Variants in ZNF197 observed in about 807,000 individuals in gnomAD.
ZNF197 encodes zinc finger protein 197.
In ZNF197, 14 loss-of-function variants were observed where a neutral mutation model predicts 27.4. That is an observed-to-expected ratio of 0.51 (90% confidence interval 0.34 to 0.80). The LOEUF is 0.80. Ranked by LOEUF, ZNF197 falls within the 30% of genes least tolerant of loss-of-function variation. The probability of loss-of-function intolerance (pLI) is 0.02; values close to 1 mark genes in which losing one functional copy is unlikely to be tolerated. For missense variants in ZNF197, 1,090 were observed against 1,222.6 expected (o/e 0.89, Z 1.62); for synonymous variants, 415 against 420.0 (o/e 0.99, Z 0.15).
Position 44,642,489 on chromosome 3 carries a change from TTATAAG to T in ZNF197, c.1361_1366del (p.Tyr454_Lys455del). Reference sequence around the variant, plus strand: ...AGAGGATCCACACTGGGGAGAAACCTTATAAGTGTAAGGAGTGTGGAAAGGGCTTCT... The same window carrying T: ...AGAGGATCCACACTGGGGAGAAACCTTGTAAGGAGTGTGGAAAGGGCTTCT... On this transcript the variant is annotated inframe_deletion, in exon 6 of 6. Coordinates refer to ENST00000344387, the MANE Select transcript of ZNF197 (RefSeq NM_006991.5). 6.2e-7 allele frequency: 1 copy of T among 1,613,980 alleles called. No homozygotes were observed. Among genetic ancestry groups the T allele is most frequent in the Non-Finnish European group, 8.5e-7 (1 of 1,179,954 alleles).
At chr3:44,630,897 A>G (rs1247586872) in intron 2 of ZNF197, 165 bp from the exon 3 acceptor site, 2 of 950,834 alleles carry the variant, frequency 2.1e-6, no homozygotes, top group Non-Finnish European at 3.3e-6. Context: ...GGGCAGCTCC[A>G]TTGTTCTCAA....
intron 5 of ZNF197, among the ~76,000 whole-genome samples, chr3:44,633,827 G>A (rs1199375598): frequency 6.6e-6 from 1 of 152,090 alleles, no homozygotes. Flanking sequence ...TTTGGAATTG[G>A]AGTCTTTTCT....
In ZNF197 at chr3:44,645,529, AC is replaced by A. The variant is rs1702907305; in HGVS notation, c.*1310del. On this transcript the variant is annotated 3_prime_UTR_variant, in exon 6 of 6. Coordinates refer to ENST00000344387, the MANE Select transcript of ZNF197 (RefSeq NM_006991.5). Reference sequence around the variant, plus strand: ...GCCATTAACAGTGATGCCAAGGAAAACAATTTATTTCCCAGCTTTTGAATTT... The same window carrying A: ...GCCATTAACAGTGATGCCAAGGAAAAAATTTATTTCCCAGCTTTTGAATTT... 3 of 985,430 alleles carry A rather than the reference AC, an allele frequency of 3.0e-6. No homozygotes were observed. The highest frequency in any genetic ancestry group is 3.6e-6 in the Non-Finnish European group (3 of 829,940). 61.0% of individuals were successfully genotyped at this position (985,430 alleles called of 1,614,324 possible).
rs759675547 is a variant in ZNF197 at position 44,642,836 on chromosome 3, A to T, written c.1706A>T (p.Lys569Ile). The T allele has an allele frequency of 6.2e-7, 1 of 1,614,120 alleles. No individual in the cohort carries two copies. Among genetic ancestry groups the T allele is most frequent in the South Asian group, 1.1e-5 (1 of 91,076 alleles). Residue 569 changes from lysine to isoleucine, a missense_variant, in exon 6 of 6, where the codon AAA becomes ATA. Coordinates refer to ENST00000344387, the MANE Select transcript of ZNF197 (RefSeq NM_006991.5). The part of the protein sequence containing the change: ...LHSAENPYKC[K>I]ECGKVFIRSK... Reference sequence around the variant, plus strand: ...AGTGCAGAGAACCCTTACAAGTGTAAAGAATGTGGAAAAGTTTTCATTCGA... The same window carrying T: ...AGTGCAGAGAACCCTTACAAGTGTATAGAATGTGGAAAAGTTTTCATTCGA...
At position 44,646,579 on chromosome 3, in the gene ZNF197, C is replaced by A; in HGVS notation, c.*2359C>A. On this transcript the variant is annotated 3_prime_UTR_variant, in exon 6 of 6. Coordinates refer to ENST00000344387, the MANE Select transcript of ZNF197 (RefSeq NM_006991.5). ...GAACGTGGAATATTGCATAAGAAAG[C>A]TGCCCTGGATTCTTCAAAATATTAT... 2.0e-6 allele frequency: 2 copies of A among 983,412 alleles called. No individual in the cohort carries two copies. Among genetic ancestry groups the A allele is most frequent in the Non-Finnish European group, 3.3e-6 (2 of 606,512 alleles). 60.9% of individuals were successfully genotyped at this position (983,412 alleles called of 1,614,324 possible).
chr3:44,641,593 T>A lies in ZNF197; in HGVS notation c.770-307T>A, dbSNP rs1356805167. Among the ~76,000 whole-genome samples, 3 of 152,338 alleles carry A rather than the reference T, an allele frequency of 2.0e-5. No homozygotes were observed. The East Asian group carries it at 5.8e-4, about 29-fold the overall frequency. ...CCAAGTTCCTTAGATGTGAACCACC[T>A]CCATAAGATCCTGTGTTTTCTCTCT... On this transcript the variant is annotated intron_variant, in intron 5 of 5. Coordinates refer to ENST00000344387, the MANE Select transcript of ZNF197 (RefSeq NM_006991.5).
At chr3:44,626,700 A>G (rs1309836080) in intron 1 of ZNF197, among the ~76,000 whole-genome samples, 1 of 152,260 alleles carries the variant, frequency 6.6e-6, no homozygotes, top group Non-Finnish European at 1.5e-5. Context: ...AAGTGAGGAA[A>G]GGCACTCCCA....
intron 1 of ZNF197, among the ~76,000 whole-genome samples, chr3:44,627,929 A>C (rs1397014608): frequency 1.3e-5 from 2 of 151,660 alleles, no homozygotes; most frequent in African/African-American, 4.8e-5. Context: ...AATTATGTTT[A>C]TATTTCTGGC....
At position 44,644,871 on chromosome 3, in the gene ZNF197, TTATTAATAAAACTA is replaced by T; in HGVS notation, c.*652_*665del. Reference sequence around the variant, plus strand: ...CCGTCTTTAGTAAATAAAAATAAATTTATTAATAAAACTAAAAATTTAATAATAAAAAGTGGACA... The same window carrying T: ...CCGTCTTTAGTAAATAAAAATAAATTAAAATTTAATAATAAAAAGTGGACA... On this transcript the variant is annotated 3_prime_UTR_variant, in exon 6 of 6. Coordinates refer to ENST00000344387, the MANE Select transcript of ZNF197 (RefSeq NM_006991.5). The T allele has an allele frequency of 1.0e-6, 1 of 962,198 alleles. No individual in the cohort carries two copies. The highest frequency in any genetic ancestry group is 1.2e-6 in the Non-Finnish European group (1 of 808,822). 59.6% of individuals were successfully genotyped at this position (962,198 alleles called of 1,614,324 possible).
intron 5 of ZNF197, among the ~76,000 whole-genome samples, chr3:44,635,337 ACT>A (rs1220736118): frequency 1.3e-5 from 2 of 152,134 alleles, no homozygotes; most frequent in African/African-American, 4.8e-5. Flanking sequence ...TGACTTAGTA[ACT>A]CTGATTTGAG....
rs186331490 is a variant in ZNF197 at position 44,648,035 on chromosome 3, A to G, written c.*3815A>G. On this transcript the variant is annotated 3_prime_UTR_variant, in exon 6 of 6. Transcript: ENST00000344387. Reference sequence around the variant, plus strand: ...TATCTTTGCAACTTCCTGTGATTCTATCATTTCAAAATAAAAAGTAAAAAC... The same window carrying G: ...TATCTTTGCAACTTCCTGTGATTCTGTCATTTCAAAATAAAAAGTAAAAAC... 9.1e-4 allele frequency: 139 copies of G among 152,342 alleles called. No homozygotes were observed. Among genetic ancestry groups the G allele is most frequent in the African/African-American group, 3.1e-3 (128 of 41,570 alleles). 9.4% of individuals were successfully genotyped at this position (152,342 alleles called of 1,614,324 possible). A position where few individuals can be genotyped will look rare whatever the true frequency, so the allele number is the denominator to read the frequency against.
chr3:44,634,485 T>A (rs1344439574), intron 5 of ZNF197, among the ~76,000 whole-genome samples: 1 of 152,168 alleles, frequency 6.6e-6, no homozygotes, highest in Non-Finnish European at 1.5e-5. Context: ...AGTTTCCACT[T>A]GTCGGCCAGG....
rs138364466 is a variant in ZNF197 at position 44,631,315 on chromosome 3, G to C, written c.550+94G>C. On this transcript the variant is annotated intron_variant, in intron 3 of 5. Coordinates refer to ENST00000344387, the MANE Select transcript of ZNF197 (RefSeq NM_006991.5). ...AGGGAGTTGCTTCCTCTGCTACCCT[G>C]TCTAGGAGTCTCTTACAGTGCCAAT... The C allele has an allele frequency of 2.0e-5, 29 of 1,475,128 alleles. No homozygotes were observed. The East Asian group carries it at 6.6e-4, about 33-fold the overall frequency. 91.4% of individuals were successfully genotyped at this position (1,475,128 alleles called of 1,614,324 possible).
Position 44,643,817 on chromosome 3 carries a change from A to C in ZNF197, c.2687A>C (p.His896Pro). The change falls in exon 6 of 6, where the codon CAT becomes CCT. Residue 896 changes from histidine to proline, a missense_variant. Physicochemically the swap from His to Pro is moderately conservative, Grantham distance 77. Transcript: ENST00000344387. Reference protein sequence around the residue: ...SRNLMVHQRIHTGEKPYKCNE... With the variant: ...SRNLMVHQRIPTGEKPYKCNE... ...AATCTTATGGTACATCAAAGAATCC[A>C]TACTGGAGAGAAACCTTATAAATGT... 1 of 1,614,014 alleles carries C rather than the reference A, an allele frequency of 6.2e-7. No individual in the cohort carries two copies. The highest frequency in any genetic ancestry group is 1.3e-5 in the African/African-American group (1 of 75,058).
At chr3:44,625,750 G>GCACACACA (rs56833441) in intron 1 of ZNF197, among the ~76,000 whole-genome samples, 63 of 149,056 alleles carry the variant, frequency 4.2e-4, no homozygotes, top group African/African-American at 1.5e-3. Flanking sequence ...GCGCGCGCGC[G>GCACACACA]CACACACACA....
Position 44,631,137 on chromosome 3 carries a change from CT to C in ZNF197, c.468del (p.Pro157LeufsTer5), listed in dbSNP as rs1559463938. On this transcript the variant is annotated frameshift_variant, in exon 3 of 6. Transcript: ENST00000344387. LOFTEE classifies it high-confidence loss of function. ...CCCAGGAACAACACTTCCTCCTGTA[CT>C]TCCTGGCAGCCACATAGCAGCTGAA... is the stretch of plus-strand genomic sequence containing the variant. ...SAPGTTLPPV[L>X]PGSHIAAEIC... The C allele has an allele frequency of 6.2e-7, 1 of 1,614,194 alleles. No individual in the cohort carries two copies.
chr3:44,625,776 A>G (rs1161720991), intron 1 of ZNF197, among the ~76,000 whole-genome samples: 5 of 151,564 alleles, frequency 3.3e-5, no homozygotes, highest in Non-Finnish European at 7.4e-5. Flanking sequence ...ACACACACAC[A>G]CACACACACA....
rs372247297 is a variant in ZNF197, at chr3:44,643,201, A to G, written c.2071A>G (p.Arg691Gly). The G allele has an allele frequency of 6.2e-7, 1 of 1,613,426 alleles. No individual in the cohort carries two copies. The highest frequency in any genetic ancestry group is 8.5e-7 in the Non-Finnish European group (1 of 1,179,914). The stretch of plus-strand genomic sequence containing the variant: ...TTGTGGTAAGGTCTTCGGTTCAAAC[A>G]GAAACCTCATTGACCATGAGAGACT... ...KDCGKVFGSN[R>G]NLIDHERLHN... is the part of the protein sequence containing the mutation. Residue 691 changes from arginine to glycine, a missense_variant, in exon 6 of 6, where the codon AGA (arginine) becomes GGA (glycine). Coordinates refer to ENST00000344387, the MANE Select transcript of ZNF197 (RefSeq NM_006991.5).
Position 44,646,324 on chromosome 3 carries a change from T to TATG in ZNF197, c.*2105_*2107dup, listed in dbSNP as rs899534772. On this transcript the variant is annotated 3_prime_UTR_variant, in exon 6 of 6. Transcript: ENST00000344387. ...GCTTATATAATAATTACAAAGGACA[T>TATG]ATGTACTTTAACAATGGAGAATGCT... The TATG allele has an allele frequency of 2.1e-4, 210 of 985,338 alleles. No individual in the cohort carries two copies. Among genetic ancestry groups the TATG allele is most frequent in the Non-Finnish European group, 2.5e-4 (205 of 829,944 alleles). The allele number at this position is 985,338 out of a possible 1,614,324, so 61.0% of individuals were successfully genotyped here. A position where few individuals can be genotyped will look rare whatever the true frequency, so the allele number is the denominator to read the frequency against.
Sources: gnomAD v4.1 joint callset for allele counts (sites outside exome capture counted in the v4.1 genomes callset) on GRCh38, gnomAD v4.1.1 for gene constraint, MANE v1.5 for transcripts, NCBI Gene and HGNC (gene_info 2026-07-23, HGNC 2026-07-21) for gene names.